PTPRT: variants seen among roughly 807,000 people sequenced by gnomAD.
PTPRT encodes protein tyrosine phosphatase receptor type T.
In PTPRT, 56 loss-of-function variants were observed where a neutral mutation model predicts 176.8. That is an observed-to-expected ratio of 0.32 (90% confidence interval 0.26 to 0.40). The LOEUF (loss-of-function observed/expected upper bound fraction) is 0.40. Ranked by LOEUF, PTPRT falls within the 10% of genes least tolerant of loss-of-function variation. The probability of loss-of-function intolerance (pLI) is 1.00; values close to 1 mark genes in which losing one functional copy is unlikely to be tolerated. For synonymous variants in PTPRT, 783 were observed against 739.0 expected, an observed-to-expected ratio of 1.06 and a Z score of -0.96; for missense variants, 1,540 against 1,908.2, an observed-to-expected ratio of 0.81 and a Z score of 3.60.
intron 2 of PTPRT, among the ~76,000 whole-genome samples, chr20:42,837,349 G>A (rs1240494113): frequency 6.6e-6 from 1 of 152,166 alleles, no homozygotes; most frequent in Admixed American, 6.5e-5. Flanking sequence ...GTCTTCTGCT[G>A]GGAAAGCAGG....
chr20:42,830,141 CA>C (rs1569180110), intron 2 of PTPRT, among the ~76,000 whole-genome samples: 1 of 152,002 alleles, frequency 6.6e-6, no homozygotes, highest in Non-Finnish European at 1.5e-5. Flanking sequence ...AGAGACACAA[CA>C]AAAAAAGAAA....
At chr20:42,983,325 C>A (rs1205759571) in intron 1 of PTPRT, among the ~76,000 whole-genome samples, 1 of 152,174 alleles carries the variant, frequency 6.6e-6, no homozygotes, top group Non-Finnish European at 1.5e-5. Flanking sequence ...AGAAGGGAGA[C>A]CCAGTGTTGG....
chr20:42,363,300 ATTTTTTTTTT>A (rs879370769), intron 9 of PTPRT, among the ~76,000 whole-genome samples: 1 of 30,562 alleles, frequency 3.3e-5, no homozygotes. Flanking sequence ...ATATATATAT[ATTTTTTTTTT>A]TTTTTTTTTT....
chr20:42,281,923 G>A (rs2057145916), intron 13 of PTPRT, among the ~76,000 whole-genome samples: 1 of 152,144 alleles, frequency 6.6e-6, no homozygotes, highest in African/African-American at 2.4e-5. Flanking sequence ...AAAGAGCCAG[G>A]CAATTCAATT....
rs989934618 is a variant in PTPRT, at chr20:42,476,030, G to A, written c.1154-3468C>T. Reference sequence around the variant, plus strand: ...TCACTATCTGGGTGACCTTGGGCAAGGGCACTTCATTGCTGAGCCTCCATC... The same window carrying A: ...TCACTATCTGGGTGACCTTGGGCAAAGGCACTTCATTGCTGAGCCTCCATC... On this transcript the variant is annotated intron_variant, in intron 7 of 30. Coordinates refer to ENST00000373187, the MANE Select transcript of PTPRT (RefSeq NM_007050.6). 2.0e-5 allele frequency among the ~76,000 whole-genome samples: 3 copies of A among 152,176 alleles called. No homozygotes were observed. The East Asian group carries it at 5.8e-4, about 29-fold the overall frequency.
chr20:42,136,487 C>T (rs927513388), intron 18 of PTPRT, among the ~76,000 whole-genome samples: 4 of 152,008 alleles, frequency 2.6e-5, no homozygotes, highest in South Asian at 4.2e-4. Flanking sequence ...AGAGACAGCC[C>T]GACATTCTGT....
Position 42,956,587 on chromosome 20 carries a change from T to C in PTPRT, c.89-70655A>G, listed in dbSNP as rs137961249. ...CCAGGAGCCAATTAAATCTCTCTCT[T>C]TTTTTTTTTAAATAAATTACCCAGC... On this transcript the variant is annotated intron_variant, in intron 1 of 30. Transcript: ENST00000373187. 9.8e-3 allele frequency among the ~76,000 whole-genome samples: 1,466 copies of C among 149,564 alleles called. 32 individuals carry two copies. Among genetic ancestry groups the C allele is most frequent in the African/African-American group, 0.033 (1,366 of 40,864 alleles).
intron 2 of PTPRT, among the ~76,000 whole-genome samples, chr20:42,799,545 T>C (rs1383373479): frequency 6.6e-6 from 1 of 152,182 alleles, no homozygotes. Context: ...AAACTAAATG[T>C]TATTGTAGGA....
chr20:42,635,706 C>G (rs1213877534), intron 7 of PTPRT, among the ~76,000 whole-genome samples: 1 of 152,082 alleles, frequency 6.6e-6, no homozygotes, highest in Non-Finnish European at 1.5e-5. Context: ...TGTGGCATCT[C>G]TTTTTTGAAG....
At chr20:42,323,513 A>T (rs1325834538) in intron 11 of PTPRT, among the ~76,000 whole-genome samples, 2 of 152,102 alleles carry the variant, frequency 1.3e-5, no homozygotes, top group Non-Finnish European at 2.9e-5. Context: ...CGCAAGGACA[A>T]AAAACCAAAC....
chr20:42,918,735 G>A (rs531121554), intron 1 of PTPRT, among the ~76,000 whole-genome samples: 50 of 152,262 alleles, frequency 3.3e-4, no homozygotes, highest in African/African-American at 9.1e-4. Flanking sequence ...GAGTTCAACC[G>A]TTTATGAGGC....
Position 42,662,339 on chromosome 20 carries a change from T to C in PTPRT, c.1153+15527A>G, listed in dbSNP as rs543674917. On this transcript the variant is annotated intron_variant, in intron 7 of 30. Transcript: ENST00000373187. ...ACCTACTAAGTTCTAAGCATTGTACTTAGAGTTCTATGGTCAGCTGGGTCC... is the reference window on the plus strand; with the variant it reads ...ACCTACTAAGTTCTAAGCATTGTACCTAGAGTTCTATGGTCAGCTGGGTCC... 2.0e-4 allele frequency among the ~76,000 whole-genome samples: 30 copies of C among 152,266 alleles called. No individual in the cohort carries two copies. In the East Asian group the frequency reaches 5.6e-3, roughly 28 times the overall value.
intron 1 of PTPRT, among the ~76,000 whole-genome samples, chr20:43,162,305 A>G (rs2014719988): frequency 6.6e-6 from 1 of 152,262 alleles, no homozygotes; most frequent in South Asian, 2.1e-4. Flanking sequence ...TGTTTTATAC[A>G]TGCATTAACT....
intron 1 of PTPRT, among the ~76,000 whole-genome samples, chr20:43,019,108 A>G (rs1985521196): frequency 6.6e-6 from 1 of 152,234 alleles, no homozygotes; most frequent in Non-Finnish European, 1.5e-5. Flanking sequence ...ATATCTAGGT[A>G]ATAGAATACA....
intron 1 of PTPRT, among the ~76,000 whole-genome samples, chr20:42,889,173 T>C (rs1480088896): frequency 6.6e-6 from 1 of 152,266 alleles, no homozygotes; most frequent in African/African-American, 2.4e-5. Context: ...GGACTAGGGA[T>C]GTACCTCCTC....
chr20:42,704,440 A>C (rs1447766350), intron 6 of PTPRT, among the ~76,000 whole-genome samples: 1 of 152,070 alleles, frequency 6.6e-6, no homozygotes, highest in East Asian at 1.9e-4. Flanking sequence ...CCAAAAAAAA[A>C]AAAAAAGTTC....
At chr20:43,076,734 C>T (rs753569519) in intron 1 of PTPRT, among the ~76,000 whole-genome samples, 4 of 152,188 alleles carry the variant, frequency 2.6e-5, no homozygotes, top group Non-Finnish European at 5.9e-5. Flanking sequence ...CACAGGGTCA[C>T]CCAAGGTAAA....
the PTPRT span, among the ~76,000 whole-genome samples, chr20:42,051,583 A>T: frequency 6.6e-6 from 1 of 152,192 alleles, no homozygotes; most frequent in Non-Finnish European, 1.5e-5. Context: ...ACAGGCTGAG[A>T]CCAGCAGTCA....
At chr20:43,075,143 T>C (rs959219792) in intron 1 of PTPRT, among the ~76,000 whole-genome samples, 2 of 152,224 alleles carry the variant, frequency 1.3e-5, no homozygotes, top group Non-Finnish European at 2.9e-5. Flanking sequence ...GAGATGTATC[T>C]GCATCAAAAG....
Sources: gnomAD v4.1 joint callset for allele counts (sites outside exome capture counted in the v4.1 genomes callset) on GRCh38, gnomAD v4.1.1 for gene constraint, MANE v1.5 for transcripts, NCBI Gene and HGNC (gene_info 2026-07-23, HGNC 2026-07-21) for gene names.